EPOR: variants seen among roughly 807,000 people sequenced by gnomAD.
EPOR encodes erythropoietin receptor.
A neutral mutation model predicts 34.3 loss-of-function variants in EPOR; 20 were observed. The ratio of observed to expected loss-of-function variants is 0.58; its 90% CI spans 0.41 to 0.85. The LOEUF is 0.85. Ranked by LOEUF, EPOR falls within the 40% of genes least tolerant of loss-of-function variation. The pLI is 0.00. For synonymous variants in EPOR, 312 were observed against 299.0 expected, an observed-to-expected ratio of 1.04 and a Z score of -0.45; for missense variants, 601 against 672.7, an observed-to-expected ratio of 0.89 and a Z score of 1.18.
rs2144698170 is a variant in EPOR, at chr19:11,381,749, A to G, written c.528T>C (p.Ser176=). The G allele has an allele frequency of 1.2e-6, 2 of 1,613,242 alleles. No homozygotes were observed. The highest frequency in any genetic ancestry group is 1.1e-5 in the South Asian group (1 of 90,964). ...AGACGTCCACCTCGTAGCGGATGTG[A>G]GACGTCATGGGTGTCTCAGGCGGCG... ...WLPPPETPMT[S]HIRYEVDVSA... is the part of the protein sequence containing the mutation. Residue 176 remains serine, a synonymous_variant, in exon 4 of 8, where the codon TCT becomes TCC. Transcript: ENST00000222139. The surrounding 1 kb of genome is among the most constrained non-coding windows in gnomAD (Gnocchi z 5.3).
chr19:11,380,102 G>A (rs923211813), intron 6 of EPOR, among the ~76,000 whole-genome samples: 1 of 152,238 alleles, frequency 6.6e-6, no homozygotes, highest in African/African-American at 2.4e-5. Context: ...TCAAGCGGCT[G>A]CTTCCTTCCA....
chr19:11,381,349 G>A lies in EPOR; in HGVS notation c.586-140C>T. ...AATGGGACCAATAAGAGTAGGGGGAGGAGCCCAAGAAAGCTCAGGGCCAAT... is the reference window on the plus strand; with the variant it reads ...AATGGGACCAATAAGAGTAGGGGGAAGAGCCCAAGAAAGCTCAGGGCCAAT... On this transcript the variant is annotated intron_variant, in intron 4 of 7. Transcript: ENST00000222139. The surrounding 1 kb of genome is among the most constrained non-coding windows in gnomAD (Gnocchi z 5.3). 1.0e-6 allele frequency: 1 copy of A among 958,872 alleles called. No individual in the cohort carries two copies. The highest frequency in any genetic ancestry group is 1.5e-5 in the South Asian group (1 of 68,696). 59.4% of individuals were successfully genotyped at this position (958,872 alleles called of 1,614,324 possible).
intron 2 of EPOR, chr19:11,382,724 G>A: frequency 2.2e-6 from 2 of 902,098 alleles, no homozygotes; most frequent in Non-Finnish European, 3.0e-6. Context: ...GAACTCCTGG[G>A]CTCAAGCGGT....
chr19:11,382,183 G>C, intron 2 of EPOR, 78 bp from the exon 3 acceptor site: 1 of 1,209,228 alleles, frequency 8.3e-7, no homozygotes, highest in Non-Finnish European at 1.2e-6. Context: ...GGGGCAGTGT[G>C]TATGTGTGAC....
rs1968317616 is a variant in EPOR at position 11,378,714 on chromosome 19, T to C, written c.892A>G (p.Thr298Ala). The C allele has an allele frequency of 1.2e-6, 2 of 1,614,210 alleles. No individual in the cohort carries two copies. The highest frequency in any genetic ancestry group is 1.7e-6 in the Non-Finnish European group (2 of 1,180,032). The change falls in exon 7 of 8, where the codon ACC becomes GCC. Residue 298 changes from threonine (T) to alanine (A), a missense_variant. Physicochemically the swap from Thr to Ala is moderately conservative, Grantham distance 58 (BLOSUM62 0). Coordinates refer to ENST00000222139, the MANE Select transcript of EPOR (RefSeq NM_000121.4). The surrounding 1 kb of genome is among the most constrained non-coding windows in gnomAD (Gnocchi z 5.3). ...SPESEFEGLF[T>A]THKGNFQLWL... is the part of the protein sequence containing the mutation. ...ACCTGGAAGTTACCCTTGTGGGTGG[T>C]GAAGAGGCCTTCAAACTCGCTCTCT...
chr19:11,380,098 G>A (rs757164691), intron 6 of EPOR, among the ~76,000 whole-genome samples: 33 of 152,188 alleles, frequency 2.2e-4, no homozygotes, highest in African/African-American at 7.2e-5. Context: ...CTTTTCAAGC[G>A]GCTGCTTCCT....
At position 11,377,430 on chromosome 19, in the gene EPOR, T is replaced by C; in HGVS notation, c.*554A>G. On this transcript the variant is annotated 3_prime_UTR_variant, in exon 8 of 8. Transcript: ENST00000222139. ...CATTGAGGGTCATTGCTGCCCTTTT[T>C]CTTCCCTTGCTGACTGGCAGTTTGT... is the stretch of plus-strand genomic sequence containing the variant. The C allele has an allele frequency of 6.6e-6, 3 of 454,098 alleles. No individual in the cohort carries two copies. The allele number at this position is 454,098 out of a possible 1,614,324, so 28.1% of individuals were successfully genotyped here.
chr19:11,379,446 A>T (rs1968326913), intron 6 of EPOR, among the ~76,000 whole-genome samples: 3 of 151,926 alleles, frequency 2.0e-5, no homozygotes, highest in Non-Finnish European at 4.4e-5. Context: ...CCGGGCATGC[A>T]CGCCTGTAAT....
At chr19:11,382,876 C>T in intron 2 of EPOR, 1 of 1,521,232 alleles carries the variant, frequency 6.6e-7, no homozygotes, top group East Asian at 2.5e-5. Flanking sequence ...TTATCCCAGC[C>T]TGATGTTTGG....
chr19:11,384,068 G>T (rs774087666), intron 1 of EPOR, 25 bp downstream of exon 1: 4 of 1,432,378 alleles, frequency 2.8e-6, no homozygotes, highest in African/African-American at 2.8e-5. Context: ...TCCAGCGTAG[G>T]GGTCCACACG....
chr19:11,381,710 G>C lies in EPOR; in HGVS notation c.567C>G (p.Gly189=), dbSNP rs1215467016. Residue 189 remains glycine (G), a synonymous_variant, in exon 4 of 8, where the codon GGC becomes GGG. Transcript: ENST00000222139. This position sits in a 1 kb window ranked among gnomAD's most constrained non-coding sequence, Gnocchi z 5.3. ...RYEVDVSAGN[G]AGSVQRVEIL... Reference sequence around the variant, plus strand: ...GCCTCACCCTCTGTACGCTCCCTGCGCCGTTGCCGGCCGAGACGTCCACCT... The same window carrying C: ...GCCTCACCCTCTGTACGCTCCCTGCCCCGTTGCCGGCCGAGACGTCCACCT... 6.2e-7 allele frequency: 1 copy of C among 1,609,064 alleles called. No homozygotes were observed. The highest frequency in any genetic ancestry group is 1.7e-5 in the Admixed American group (1 of 59,530).
intron 6 of EPOR, 146 bp downstream of exon 6, chr19:11,380,738 C>A: frequency 1.4e-6 from 1 of 695,916 alleles, no homozygotes; most frequent in South Asian, 1.7e-5. Context: ...TCTAGTCTGG[C>A]ATGCATCCCA....
intron 2 of EPOR, chr19:11,382,831 C>A (rs1282284492): frequency 6.9e-7 from 1 of 1,457,438 alleles, no homozygotes; most frequent in Non-Finnish European, 9.1e-7. Flanking sequence ...CCAGCCCCGA[C>A]GTAGTAACGC....
rs1468948074 is a variant in EPOR, at chr19:11,381,279, G to A, written c.586-70C>T. 1.3e-6 allele frequency: 2 copies of A among 1,505,880 alleles called. No homozygotes were observed. Among genetic ancestry groups the A allele is most frequent in the African/African-American group, 1.4e-5 (1 of 72,158 alleles). 93.3% of individuals were successfully genotyped at this position (1,505,880 alleles called of 1,614,324 possible). A position where few individuals can be genotyped will look rare whatever the true frequency, so the allele number is the denominator to read the frequency against. On this transcript the variant is annotated intron_variant, in intron 4 of 7. Coordinates refer to ENST00000222139, the MANE Select transcript of EPOR (RefSeq NM_000121.4). The surrounding 1 kb of genome is among the most constrained non-coding windows in gnomAD (Gnocchi z 5.3). ...GATGACGTGGGGGCGGGCCCTGGTG[G>A]AACTGAGCCAATCAGGGGAAAGGAA...
In EPOR at chr19:11,378,395, G is replaced by A. The variant is rs1568328180; in HGVS notation, c.1116C>T (p.Asp372=). ...GCGGGTTCCGGGGCAGCAACCATTT[G>A]TCCAGCACCAGATAGGTATCCTGGG... The part of the protein sequence containing the change: ...EHAQDTYLVL[D]KWLLPRNPPS... Residue 372 remains aspartate (D), a synonymous_variant, in exon 8 of 8, where the codon GAC becomes GAT. Transcript: ENST00000222139. This position sits in a 1 kb window ranked among gnomAD's most constrained non-coding sequence, Gnocchi z 5.3. The A allele has an allele frequency of 6.2e-7, 1 of 1,613,670 alleles. No individual in the cohort carries two copies. The highest frequency in any genetic ancestry group is 1.1e-5 in the South Asian group (1 of 91,090).
In EPOR at chr19:11,378,129, T is replaced by C. The variant is rs1193366124; in HGVS notation, c.1382A>G (p.Asp461Gly). ...HLKYLYLVVS[D>G]SGISTDYSSG... ...GCTGTAGTCAGTTGAGATGCCAGAGTCAGATACCACAAGGTACAGGTACTT... is the reference window on the plus strand; with the variant it reads ...GCTGTAGTCAGTTGAGATGCCAGAGCCAGATACCACAAGGTACAGGTACTT... Residue 461 changes from aspartate (D) to glycine (G), a missense_variant, in exon 8 of 8, where the codon GAC becomes GGC. By Grantham distance (94) the Asp-to-Gly change is moderately conservative. Coordinates refer to ENST00000222139, the MANE Select transcript of EPOR (RefSeq NM_000121.4). This position sits in a 1 kb window ranked among gnomAD's most constrained non-coding sequence, Gnocchi z 5.3. 1.2e-6 allele frequency: 2 copies of C among 1,613,620 alleles called. No homozygotes were observed. The highest frequency in any genetic ancestry group is 1.7e-6 in the Non-Finnish European group (2 of 1,179,966).
intron 2 of EPOR, chr19:11,382,778 GC>G: frequency 7.7e-7 from 1 of 1,292,926 alleles, no homozygotes; most frequent in South Asian, 1.4e-5. Flanking sequence ...ACAGGCATGA[GC>G]CACTGCTGGC....
rs1267816600 is a variant in EPOR at position 11,383,361 on chromosome 19, A to T, written c.116-129T>A. On this transcript the variant is annotated intron_variant, in intron 1 of 7. Transcript: ENST00000222139. This position sits in a 1 kb window ranked among gnomAD's most constrained non-coding sequence, Gnocchi z 4.9. ...AAAGCCCCGCCCTGCCATCTTCCCA[A>T]GCGGGTCCCTTGGAGGGGTCCGCAG... The T allele has an allele frequency of 4.1e-6, 4 of 976,622 alleles. No individual in the cohort carries two copies. The highest frequency in any genetic ancestry group is 2.9e-6 in the Non-Finnish European group (2 of 681,958). The allele number at this position is 976,622 out of a possible 1,614,324, so 60.5% of individuals were successfully genotyped here. A position where few individuals can be genotyped will look rare whatever the true frequency, so the allele number is the denominator to read the frequency against.
In EPOR at chr19:11,381,262, G is replaced by T. The variant is rs917671029; in HGVS notation, c.586-53C>A. On this transcript the variant is annotated intron_variant, in intron 4 of 7. Coordinates refer to ENST00000222139, the MANE Select transcript of EPOR (RefSeq NM_000121.4). The surrounding 1 kb of genome is among the most constrained non-coding windows in gnomAD (Gnocchi z 5.3). ...CGTAGCAGACAAAAATAGATGACGT[G>T]GGGGCGGGCCCTGGTGGAACTGAGC... 1 of 1,540,688 alleles carries T rather than the reference G, an allele frequency of 6.5e-7. No individual in the cohort carries two copies. The highest frequency in any genetic ancestry group is 8.8e-7 in the Non-Finnish European group (1 of 1,140,404).
Sources: allele counts gnomAD v4.1 joint callset (sites outside exome capture counted in the v4.1 genomes callset), GRCh38; gene constraint gnomAD v4.1.1; non-coding constraint Gnocchi (gnomAD v3.1); transcripts MANE v1.5; gene names NCBI Gene and HGNC (gene_info 2026-07-23, HGNC 2026-07-21).